The following KATNAL1 variants were observed in gnomAD, a reference collection of about 807,000 sequenced individuals.
The protein encoded by KATNAL1 is katanin catalytic subunit A1 like 1.
Under a neutral mutation model 55.2 loss-of-function variants are expected in KATNAL1, and 32 were observed. The ratio of observed to expected loss-of-function variants is 0.58; its 90% CI spans 0.44 to 0.78. The LOEUF (loss-of-function observed/expected upper bound fraction) is 0.78, where lower values mean the gene tolerates loss of function less well. Among genes scored for constraint, KATNAL1 ranks in the 30% least tolerant of loss-of-function variants. The probability of loss-of-function intolerance (pLI) is 0.00; values close to 1 mark genes in which losing one functional copy is unlikely to be tolerated. For synonymous variants in KATNAL1, 193 were observed against 193.6 expected (o/e 1.00, Z 0.02); for missense variants, 466 against 600.9 (o/e 0.78, Z 2.35).
At chr13:30,225,647 TACAC>T (rs57630828) in intron 9 of KATNAL1, among the ~76,000 whole-genome samples, 13,848 of 146,612 alleles carry the variant, frequency 0.094, 945 homozygotes, top group African/African-American at 0.19. Flanking sequence ...ATGACTCATC[TACAC>T]ACACACACAC....
intron 1 of KATNAL1, among the ~76,000 whole-genome samples, chr13:30,301,570 G>A (rs9506287): frequency 0.53 from 81,151 of 151,942 alleles, 23,053 homozygotes; most frequent in African/African-American, 0.74. Flanking sequence ...AGCAGAGGAG[G>A]TGACTGAGGC....
At chr13:30,244,225 C>T (rs1296829219) in intron 4 of KATNAL1, among the ~76,000 whole-genome samples, 1 of 152,026 alleles carries the variant, frequency 6.6e-6, no homozygotes, top group Non-Finnish European at 1.5e-5. Context: ...ATGATGGTTT[C>T]CAGCTTCATC....
chr13:30,303,763 A>G (rs1375235560), intron 1 of KATNAL1, among the ~76,000 whole-genome samples: 1 of 152,178 alleles, frequency 6.6e-6, no homozygotes, highest in Non-Finnish European at 1.5e-5. Flanking sequence ...AAACAAGGCA[A>G]AAGTACATTG....
intron 8 of KATNAL1, 150 bp downstream of exon 8, chr13:30,230,318 G>T (rs1346023433): frequency 1.1e-5 from 7 of 636,206 alleles, no homozygotes; most frequent in African/African-American, 5.6e-5. Flanking sequence ...TGCAAGAAAT[G>T]CTTTCTGAGT....
At chr13:30,258,687 C>T (rs914466134) in intron 3 of KATNAL1, among the ~76,000 whole-genome samples, 3 of 152,118 alleles carry the variant, frequency 2.0e-5, no homozygotes, top group Non-Finnish European at 4.4e-5. Context: ...TACTTTATTA[C>T]TTTTAATATT....
intron 1 of KATNAL1, among the ~76,000 whole-genome samples, chr13:30,291,122 G>A (rs568196643): frequency 6.6e-6 from 1 of 152,242 alleles, no homozygotes; most frequent in South Asian, 2.1e-4. Context: ...AAAAATAAAA[G>A]GCATGCAGAT....
chr13:30,210,375 C>T lies in KATNAL1; in HGVS notation c.1215G>A (p.Leu405=), dbSNP rs1324056336. The T allele has an allele frequency of 2.5e-6, 4 of 1,608,874 alleles. No individual in the cohort carries two copies. The highest frequency in any genetic ancestry group is 1.7e-4 in the Middle Eastern group (1 of 6,048). ...REVELDPDIQ[L]EDIAEKIEGY... ...CCTCAATCTTCTCGGCTATATCTTCCAGTTGAATATCAGGATCTAATTCGA... is the reference window on the plus strand; with the variant it reads ...CCTCAATCTTCTCGGCTATATCTTCTAGTTGAATATCAGGATCTAATTCGA... Residue 405 remains leucine (L), a synonymous_variant, in exon 10 of 11, where the codon CTG becomes CTA. Transcript: ENST00000380615.
intron 4 of KATNAL1, among the ~76,000 whole-genome samples, chr13:30,245,215 T>C (rs1028604544): frequency 3.3e-5 from 5 of 152,186 alleles, no homozygotes; most frequent in African/African-American, 9.7e-5. Context: ...CACGATCAAG[T>C]TGGCTTCACC....
intron 1 of KATNAL1, among the ~76,000 whole-genome samples, chr13:30,301,225 C>G (rs555492793): frequency 1.3e-5 from 2 of 152,228 alleles, no homozygotes; most frequent in South Asian, 2.1e-4. Context: ...CAAAAATTAG[C>G]GGGGCGTGGT....
At chr13:30,220,417 C>T (rs575308220) in intron 9 of KATNAL1, among the ~76,000 whole-genome samples, 17 of 151,958 alleles carry the variant, frequency 1.1e-4, no homozygotes, top group Admixed American at 2.6e-4. Context: ...GCCGAAACCA[C>T]GCCACTGCAC....
At position 30,283,237 on chromosome 13, in the gene KATNAL1, G is replaced by A. The variant is rs558629219; in HGVS notation, c.162+379C>T. Among the ~76,000 whole-genome samples the A allele has an allele frequency of 1.2e-3, 149 of 126,394 alleles. 2 individuals are homozygous for A. In the South Asian group the frequency reaches 0.037, roughly 31 times the overall value. The allele number at this position is 126,394 out of a possible 152,430, so 82.9% of individuals were successfully genotyped here. A position where few individuals can be genotyped will look rare whatever the true frequency, so the allele number is the denominator to read the frequency against. ...AGCCGAGATTGCGCCACTGCACTCC[G>A]GCCTGGGCGACAGAACAAGACTCTG... is the stretch of plus-strand genomic sequence containing the variant. On this transcript the variant is annotated intron_variant, in intron 2 of 10. Coordinates refer to ENST00000380615, the MANE Select transcript of KATNAL1 (RefSeq NM_032116.5).
chr13:30,281,481 T>C (rs907980610), intron 2 of KATNAL1, among the ~76,000 whole-genome samples: 1 of 152,152 alleles, frequency 6.6e-6, no homozygotes, highest in East Asian at 1.9e-4. Context: ...ATTAATAAAA[T>C]ACCCTGCCTG....
At chr13:30,219,897 A>G (rs1474280047) in intron 9 of KATNAL1, among the ~76,000 whole-genome samples, 1 of 152,214 alleles carries the variant, frequency 6.6e-6, no homozygotes, top group East Asian at 1.9e-4. Flanking sequence ...TTATACCAAT[A>G]TAAAGTATGT....
In KATNAL1 at chr13:30,208,527, A is replaced by G. The variant is rs1873360968; in HGVS notation, c.*13T>C. 3 of 1,485,872 alleles carry G rather than the reference A, an allele frequency of 2.0e-6. No individual in the cohort carries two copies. Among genetic ancestry groups the G allele is most frequent in the Middle Eastern group, 1.8e-4 (1 of 5,644 alleles). 92.0% of individuals were successfully genotyped at this position (1,485,872 alleles called of 1,614,324 possible). On this transcript the variant is annotated 3_prime_UTR_variant, in exon 11 of 11. Coordinates refer to ENST00000380615, the MANE Select transcript of KATNAL1 (RefSeq NM_032116.5). ...TCAACAAAAATACCAGAAATTAAAG[A>G]GCTGACAGAAATTCAAGCAGATCCA...
chr13:30,249,912 T>G (rs1878144004), intron 4 of KATNAL1, among the ~76,000 whole-genome samples: 1 of 152,212 alleles, frequency 6.6e-6, no homozygotes, highest in Admixed American at 6.5e-5. Context: ...AGCCGTGAAA[T>G]GCAGCCATTA....
intron 1 of KATNAL1, chr13:30,296,287 C>T: frequency 8.2e-7 from 1 of 1,217,698 alleles, no homozygotes; most frequent in East Asian, 2.4e-5. Flanking sequence ...CTCTGGACTT[C>T]ACTTTTGTGT....
At chr13:30,224,360 G>A (rs1275114818) in intron 9 of KATNAL1, among the ~76,000 whole-genome samples, 1 of 151,952 alleles carries the variant, frequency 6.6e-6, no homozygotes, top group Non-Finnish European at 1.5e-5. Context: ...GCAAGCCTCT[G>A]TCTCTACAAA....
chr13:30,259,753 A>G (rs1470430601), intron 3 of KATNAL1, among the ~76,000 whole-genome samples: 1 of 152,174 alleles, frequency 6.6e-6, no homozygotes, highest in Non-Finnish European at 1.5e-5. Context: ...TTGCTAGCAC[A>G]GCAGTCTGAG....
intron 9 of KATNAL1, among the ~76,000 whole-genome samples, chr13:30,214,864 C>A (rs1874056303): frequency 6.6e-6 from 1 of 151,204 alleles, no homozygotes; most frequent in Non-Finnish European, 1.5e-5. Flanking sequence ...TAGGCATGGG[C>A]AAGGACTTCA....
Sources: allele counts gnomAD v4.1 joint callset (sites outside exome capture counted in the v4.1 genomes callset), GRCh38; gene constraint gnomAD v4.1.1; transcripts MANE v1.5; gene names NCBI Gene and HGNC (gene_info 2026-07-23, HGNC 2026-07-21).